Variants in CD22 observed in about 807,000 individuals in gnomAD.
The protein encoded by CD22 is CD22 molecule, also known as B-cell receptor CD22.
CD22 carries 51 observed loss-of-function variants against 94.7 expected under a neutral mutation model. The ratio of observed to expected loss-of-function variants is 0.54; its 90% CI spans 0.43 to 0.68. The LOEUF (loss-of-function observed/expected upper bound fraction) is 0.68. CD22 is among the 30% of genes least tolerant of loss of function. The pLI is 0.00. For missense variants in CD22, 931 were observed against 1,060.4 expected (o/e 0.88, Z 1.69); for synonymous variants, 424 against 422.5 (o/e 1.00, Z -0.04).
chr19:35,338,341 C>A lies in CD22; in HGVS notation c.1159C>A (p.Leu387Ile), dbSNP rs746572402. The A allele has an allele frequency of 6.2e-7, 1 of 1,614,200 alleles. No individual in the cohort carries two copies. Among genetic ancestry groups the A allele is most frequent in the Non-Finnish European group, 8.5e-7 (1 of 1,180,036 alleles). Residue 387 changes from leucine (L) to isoleucine (I), a missense_variant, in exon 6 of 14, where the codon CTC (leucine) becomes ATC (isoleucine). Physicochemically the swap from Leu to Ile is conservative, Grantham distance 5. Coordinates refer to ENST00000085219, the MANE Select transcript of CD22 (RefSeq NM_001771.4). ...TEEKVHIPKILPWHAGTYSCV... is the reference protein window; with the variant it reads ...TEEKVHIPKIIPWHAGTYSCV... Reference sequence around the variant, plus strand: ...GGAGAAAGTCCACATCCCAAAGATCCTCCCCTGGCACGCTGGGACTTATTC... The same window carrying A: ...GGAGAAAGTCCACATCCCAAAGATCATCCCCTGGCACGCTGGGACTTATTC...
rs117340543 is a variant in CD22, at chr19:35,337,465, G to A, written c.719-290G>A. Among the ~76,000 whole-genome samples, 707 of 152,264 alleles carry A rather than the reference G, an allele frequency of 4.6e-3. 35 individuals carry two copies. In the South Asian group the frequency reaches 0.072, roughly 15 times the overall value. On this transcript the variant is annotated intron_variant, in intron 4 of 13. Coordinates refer to ENST00000085219, the MANE Select transcript of CD22 (RefSeq NM_001771.4). This position sits in a 1 kb window ranked among gnomAD's most constrained non-coding sequence, Gnocchi z 4.4. ...ATGGAGCAGGACTCTGGATCCCGAG[G>A]GCTGAGGTGAGGGTTTGGGATTCTA...
At chr19:35,344,655 G>T in intron 9 of CD22, 174 bp from the exon 10 acceptor site, 1 of 630,610 alleles carries the variant, frequency 1.6e-6, no homozygotes, top group Non-Finnish European at 2.8e-6. Flanking sequence ...ATTCCTAAAG[G>T]GAGGCCCAGA....
chr19:35,329,430 G>A, intron 1 of CD22, 200 bp downstream of exon 1: 2 of 376,620 alleles, frequency 5.3e-6, no homozygotes, highest in Middle Eastern at 6.7e-4. Flanking sequence ...TCTGAGAGTA[G>A]GGTAGGTTAT....
In CD22 at chr19:35,346,786, C is replaced by A; in HGVS notation, c.*89C>A. 1 of 1,253,674 alleles carries A rather than the reference C, an allele frequency of 8.0e-7. No individual in the cohort carries two copies. The highest frequency in any genetic ancestry group is 1.1e-6 in the Non-Finnish European group (1 of 904,222). 77.7% of individuals were successfully genotyped at this position (1,253,674 alleles called of 1,614,324 possible). On this transcript the variant is annotated 3_prime_UTR_variant, in exon 14 of 14. Coordinates refer to ENST00000085219, the MANE Select transcript of CD22 (RefSeq NM_001771.4). ...CCAGACACCGCCACATGGCTTCCTC[C>A]TGCGCGCATGTGCGCACACACACAC...
At position 35,338,223 on chromosome 19, in the gene CD22, T is replaced by A. The variant is rs943621362; in HGVS notation, c.1041T>A (p.Ser347Arg). 6.2e-7 allele frequency: 1 copy of A among 1,614,124 alleles called. No homozygotes were observed. The highest frequency in any genetic ancestry group is 1.3e-5 in the African/African-American group (1 of 75,020). Residue 347 changes from serine to arginine, a missense_variant, in exon 6 of 14, where the codon AGT becomes AGA. Transcript: ENST00000085219. ...QILHSPAVEG[S>R]QVEFLCMSLA... ...TCCACTCACCGGCTGTGGAGGGAAG[T>A]CAAGTCGAGTTTCTTTGCATGTCAC...
At chr19:35,336,009 T>C (rs748607695) in intron 3 of CD22, 27 bp from the exon 4 acceptor site, 1 of 1,599,376 alleles carries the variant, frequency 6.3e-7, no homozygotes, top group Non-Finnish European at 8.5e-7. Flanking sequence ...TCCCCCAGGC[T>C]CCTGCACGGG....
Position 35,346,251 on chromosome 19 carries a change from C to T in CD22, c.2412+16C>T. ...GCGCCAAGTGGTAAGGAGGGTCTCC[C>T]CAGGTCTCCCCAGAGGGGCTGTGGA... On this transcript the variant is annotated intron_variant, in intron 13 of 13. Coordinates refer to ENST00000085219, the MANE Select transcript of CD22 (RefSeq NM_001771.4). 1 of 1,603,200 alleles carries T rather than the reference C, an allele frequency of 6.2e-7. No individual in the cohort carries two copies. Among genetic ancestry groups the T allele is most frequent in the Non-Finnish European group, 8.5e-7 (1 of 1,170,098 alleles).
Position 35,336,097 on chromosome 19 carries a change from T to C in CD22, c.474T>C (p.Thr158=). 6.2e-7 allele frequency: 1 copy of C among 1,614,070 alleles called. No individual in the cohort carries two copies. Among genetic ancestry groups the C allele is most frequent in the Non-Finnish European group, 8.5e-7 (1 of 1,179,990 alleles). The change falls in exon 4 of 14, where the codon ACT becomes ACC. Residue 158 remains threonine (T), a synonymous_variant. Coordinates refer to ENST00000085219, the MANE Select transcript of CD22 (RefSeq NM_001771.4). ...PPEIQESQEV[T]LTCLLNFSCY... The stretch of plus-strand genomic sequence containing the variant: ...AAATTCAAGAGTCCCAGGAAGTCAC[T>C]CTGACCTGCTTGCTGAATTTCTCCT...
chr19:35,341,371 A>G lies in CD22; in HGVS notation c.1536A>G (p.Lys512=), dbSNP rs772237495. The G allele has an allele frequency of 2.5e-6, 4 of 1,613,698 alleles. No individual in the cohort carries two copies. Among genetic ancestry groups the G allele is most frequent in the Non-Finnish European group, 2.5e-6 (3 of 1,179,868 alleles). The change falls in exon 8 of 14, where the codon AAA becomes AAG. Residue 512 remains lysine, a synonymous_variant. Coordinates refer to ENST00000085219, the MANE Select transcript of CD22 (RefSeq NM_001771.4). This position sits in a 1 kb window ranked among gnomAD's most constrained non-coding sequence, Gnocchi z 4.0. ...CCCCCCGAGACGTGAGGGTCCGGAA[A>G]ATCAAGCCCCTTTCCGAGATTCACT... ...QYAPRDVRVR[K]IKPLSEIHSG...
In CD22 at chr19:35,346,641, G is replaced by A. The variant is rs758088022; in HGVS notation, c.2488G>A (p.Val830Ile). 3.1e-6 allele frequency: 5 copies of A among 1,608,240 alleles called. No homozygotes were observed. Among genetic ancestry groups the A allele is most frequent in the East Asian group, 2.2e-5 (1 of 44,780 alleles). ...TTACTCAGAGCTGATCCAGTTTGGG[G>A]TCGGGGAGCGGCCTCAGGCACAAGA... ...IHYSELIQFG[V>I]GERPQAQENV... Residue 830 changes from valine (V) to isoleucine (I), a missense_variant, in exon 14 of 14, where the codon GTC (valine) becomes ATC (isoleucine). Transcript: ENST00000085219.
intron 6 of CD22, among the ~76,000 whole-genome samples, chr19:35,339,142 G>A (rs2066769410): frequency 6.6e-6 from 1 of 152,126 alleles, no homozygotes; most frequent in Non-Finnish European, 1.5e-5. Context: ...AGGCTGAGGA[G>A]GGAGAATCAC....
intron 6 of CD22, among the ~76,000 whole-genome samples, chr19:35,339,165 A>G (rs1464410872): frequency 6.6e-6 from 1 of 151,968 alleles, no homozygotes; most frequent in Non-Finnish European, 1.5e-5. Flanking sequence ...GAGCCCAGGA[A>G]GTGAAGGCTG....
At chr19:35,331,912 T>G in intron 1 of CD22, 107 bp from the exon 2 acceptor site, 1 of 1,584,288 alleles carries the variant, frequency 6.3e-7, no homozygotes. Flanking sequence ...CCAGACCCGG[T>G]CCTCCCGGAT....
At chr19:35,329,739 C>G (rs957542586) in intron 1 of CD22, 2 of 156,564 alleles carry the variant, frequency 1.3e-5, no homozygotes, top group Non-Finnish European at 2.8e-5. Context: ...CAGGTTGTGG[C>G]TGGAGGGTGC....
chr19:35,345,786 C>T (rs1030415956), intron 12 of CD22, 66 bp downstream of exon 12: 11 of 1,122,012 alleles, frequency 9.8e-6, no homozygotes, highest in South Asian at 1.3e-5. Flanking sequence ...AGCTCTGTCC[C>T]GCCTGCCCTC....
chr19:35,345,454 A>G, intron 11 of CD22, 148 bp from the exon 12 acceptor site: 1 of 593,720 alleles, frequency 1.7e-6, no homozygotes, highest in Non-Finnish European at 3.0e-6. Flanking sequence ...AAGGGTAGGC[A>G]TGAGGCAGAC....
intron 13 of CD22, 140 bp from the exon 14 acceptor site, chr19:35,346,426 G>A: frequency 8.0e-7 from 1 of 1,256,192 alleles, no homozygotes; most frequent in Non-Finnish European, 1.1e-6. Context: ...CTGGATGCCG[G>A]CCACAGCCAG....
At chr19:35,345,553 G>A (rs1344231255) in intron 11 of CD22, 49 bp from the exon 12 acceptor site, 3 of 1,188,644 alleles carry the variant, frequency 2.5e-6, no homozygotes, top group South Asian at 1.3e-5. Context: ...GGAAGGGGAC[G>A]AGGGTTGGGG....
In CD22 at chr19:35,337,006, G is replaced by A. The variant is rs192487683; in HGVS notation, c.718+665G>A. 2.4e-4 allele frequency among the ~76,000 whole-genome samples: 36 copies of A among 152,226 alleles called. No homozygotes were observed. Among genetic ancestry groups the A allele is most frequent in the Middle Eastern group, 3.4e-3 (1 of 294 alleles). On this transcript the variant is annotated intron_variant, in intron 4 of 13. Transcript: ENST00000085219. This position sits in a 1 kb window ranked among gnomAD's most constrained non-coding sequence, Gnocchi z 4.4. ...TGTAATCCTAGCACTTTGGAAGGCCGAGGCGGGGGGATCACAAGGTCAGGA... is the reference window on the plus strand; with the variant it reads ...TGTAATCCTAGCACTTTGGAAGGCCAAGGCGGGGGGATCACAAGGTCAGGA...
Sources: allele counts gnomAD v4.1 joint callset (sites outside exome capture counted in the v4.1 genomes callset), GRCh38; gene constraint gnomAD v4.1.1; non-coding constraint Gnocchi (gnomAD v3.1); transcripts MANE v1.5; gene names NCBI Gene and HGNC (gene_info 2026-07-23, HGNC 2026-07-21).